ERBIN: variants seen among roughly 807,000 people sequenced by gnomAD.
ERBIN encodes the protein densin-180-like protein.
In ERBIN, 60 loss-of-function variants were observed where a neutral mutation model predicts 158.4. The ratio of observed to expected loss-of-function variants is 0.38; its 90% CI spans 0.31 to 0.47. ERBIN has a LOEUF of 0.47. ERBIN is among the 20% of genes least tolerant of loss of function. The probability of loss-of-function intolerance (pLI) is 0.99; values close to 1 mark genes in which losing one functional copy is unlikely to be tolerated. For synonymous variants in ERBIN, 594 were observed against 557.2 expected (o/e 1.07, Z -0.93); for missense variants, 1,610 against 1,648.0 (o/e 0.98, Z 0.40).
At chr5:65,984,856 T>A (rs1030058315) in intron 1 of ERBIN, 4 of 152,004 alleles carry the variant, frequency 2.6e-5, no homozygotes, top group African/African-American at 9.7e-5. Context: ...TCTAGCCAGG[T>A]ATGTCTTGTG....
intron 21 of ERBIN, chr5:66,068,805 A>C: frequency 7.5e-7 from 1 of 1,330,326 alleles, no homozygotes; most frequent in South Asian, 1.7e-5. Context: ...AAATAAGTCT[A>C]CGTATATAAC....
chr5:65,940,726 C>A (rs1172510965), intron 1 of ERBIN, among the ~76,000 whole-genome samples: 1 of 95,262 alleles, frequency 1.0e-5, no homozygotes, highest in African/African-American at 3.9e-5. Context: ...CCAGCCGCCC[C>A]GTCCGGGAGG....
intron 4 of ERBIN, among the ~76,000 whole-genome samples, chr5:65,999,042 G>A (rs1752748402): frequency 6.6e-6 from 1 of 152,004 alleles, no homozygotes; most frequent in Non-Finnish European, 1.5e-5. Flanking sequence ...AATATGTTCA[G>A]GAAAAAGATA....
chr5:65,964,536 C>T (rs930049077), intron 1 of ERBIN, among the ~76,000 whole-genome samples: 1 of 152,118 alleles, frequency 6.6e-6, no homozygotes, highest in African/African-American at 2.4e-5. Context: ...ATTCTATCCT[C>T]AAGGAATATA....
intron 1 of ERBIN, among the ~76,000 whole-genome samples, chr5:65,929,828 A>G (rs1743146696): frequency 1.3e-5 from 2 of 151,876 alleles, no homozygotes; most frequent in African/African-American, 4.8e-5. Flanking sequence ...TTTAGTAGAG[A>G]CAGGTTTTGC....
At chr5:66,071,359 ACT>A (rs1464181856) in intron 21 of ERBIN, among the ~76,000 whole-genome samples, 1 of 150,848 alleles carries the variant, frequency 6.6e-6, no homozygotes, top group African/African-American at 2.5e-5. Flanking sequence ...GCAAAGTGAG[ACT>A]CTCTCCAAAA....
intron 14 of ERBIN, among the ~76,000 whole-genome samples, chr5:66,030,137 C>T (rs1190657204): frequency 3.9e-5 from 6 of 152,114 alleles, no homozygotes; most frequent in Admixed American, 3.9e-4. Flanking sequence ...CCCCCGGGCT[C>T]AAGCAATTCT....
intron 2 of ERBIN, among the ~76,000 whole-genome samples, chr5:65,990,330 A>G (rs767896602): frequency 1.1e-4 from 16 of 152,352 alleles, no homozygotes; most frequent in South Asian, 2.1e-4. Flanking sequence ...GAGAGTCTGC[A>G]TATAGTTTAT....
chr5:65,966,374 G>A (rs1580185896), intron 1 of ERBIN, among the ~76,000 whole-genome samples: 1 of 152,060 alleles, frequency 6.6e-6, no homozygotes, highest in East Asian at 1.9e-4. Context: ...TTATCTTTGA[G>A]TGTGCTCCTC....
intron 21 of ERBIN, among the ~76,000 whole-genome samples, chr5:66,071,789 C>A (rs1761555839): frequency 7.2e-6 from 1 of 138,902 alleles, no homozygotes; most frequent in Non-Finnish European, 1.5e-5. Context: ...TTTAGTTGGT[C>A]TTAAAATTTG....
intron 1 of ERBIN, among the ~76,000 whole-genome samples, chr5:65,943,170 A>G (rs1745277591): frequency 6.6e-6 from 1 of 152,160 alleles, no homozygotes; most frequent in South Asian, 2.1e-4. Flanking sequence ...CATGTCCCTG[A>G]TTGTTGCTGA....
intron 9 of ERBIN, 78 bp from the exon 10 acceptor site, chr5:66,024,228 G>A: frequency 2.1e-6 from 2 of 961,034 alleles, no homozygotes; most frequent in Non-Finnish European, 3.0e-6. Context: ...TTAAAACTTG[G>A]TATCAAGTTT....
At chr5:65,931,275 C>G (rs73762513) in intron 1 of ERBIN, among the ~76,000 whole-genome samples, 4,027 of 152,226 alleles carry the variant, frequency 0.026, 180 homozygotes, top group African/African-American at 0.093. Context: ...TCTTTGGTAT[C>G]CCAGAAGGCG....
intron 7 of ERBIN, among the ~76,000 whole-genome samples, chr5:66,016,898 A>G (rs1401799258): frequency 6.6e-6 from 1 of 152,094 alleles, no homozygotes; most frequent in Non-Finnish European, 1.5e-5. Context: ...TACAGGCGTG[A>G]GCCACCACAC....
chr5:65,968,383 G>T (rs1748893732), intron 1 of ERBIN, among the ~76,000 whole-genome samples: 1 of 152,076 alleles, frequency 6.6e-6, no homozygotes, highest in South Asian at 2.1e-4. Flanking sequence ...TTCTTGTGTG[G>T]AAAATATATT....
At chr5:66,032,498 A>C (rs538565859) in intron 14 of ERBIN, among the ~76,000 whole-genome samples, 4 of 152,348 alleles carry the variant, frequency 2.6e-5, no homozygotes, top group Admixed American at 2.6e-4. Context: ...TGTTCATTCT[A>C]GTCATGATCA....
chr5:65,987,347 C>A (rs1161969740), intron 1 of ERBIN, among the ~76,000 whole-genome samples: 2 of 86,308 alleles, frequency 2.3e-5, no homozygotes, highest in African/African-American at 4.3e-5. Flanking sequence ...CCAGCTTGGG[C>A]AACATAGTGA....
intron 13 of ERBIN, among the ~76,000 whole-genome samples, chr5:66,027,593 C>T (rs539606151): frequency 1.3e-5 from 2 of 151,974 alleles, no homozygotes; most frequent in African/African-American, 4.8e-5. Context: ...TACAGTATAC[C>T]TACTATTTAC....
chr5:66,041,035 G>T (rs750496393), intron 15 of ERBIN, among the ~76,000 whole-genome samples: 3 of 151,870 alleles, frequency 2.0e-5, no homozygotes, highest in Non-Finnish European at 2.9e-5. Context: ...ATGAGTCTGA[G>T]GGTTTTTATT....
Sources: allele counts gnomAD v4.1 joint callset (sites outside exome capture counted in the v4.1 genomes callset), GRCh38; gene constraint gnomAD v4.1.1; transcripts MANE v1.5; gene names NCBI Gene and HGNC (gene_info 2026-07-23, HGNC 2026-07-21).